Variants in ADAMTSL1 observed in about 807,000 individuals in gnomAD.
The protein encoded by ADAMTSL1 is ADAMTS-like protein 1.
In ADAMTSL1, 126 loss-of-function variants were observed where a neutral mutation model predicts 201.8. The observed-to-expected ratio is 0.62, with a 90% CI of 0.54 to 0.72. ADAMTSL1 has a LOEUF of 0.72. Among genes scored for constraint, ADAMTSL1 ranks in the 30% least tolerant of loss-of-function variants. The pLI, the probability that ADAMTSL1 is intolerant of heterozygous loss-of-function variation, is 0.00. For missense variants in ADAMTSL1, 2,679 were observed against 2,277.8 expected (o/e 1.18, Z -3.59); for synonymous variants, 1,121 against 903.4 (o/e 1.24, Z -4.32).
At chr9:18,328,961 G>A (rs1359401193) in intron 2 of ADAMTSL1, among the ~76,000 whole-genome samples, 1 of 152,042 alleles carries the variant, frequency 6.6e-6, no homozygotes, top group Non-Finnish European at 1.5e-5. Context: ...TCCAATCAAA[G>A]CTTTTTCAAA....
At chr9:18,199,818 G>T (rs531637800) in intron 2 of ADAMTSL1, among the ~76,000 whole-genome samples, 2 of 152,242 alleles carry the variant, frequency 1.3e-5, no homozygotes, top group African/African-American at 4.8e-5. Context: ...TGTGTGCTAA[G>T]TAAGGATCAA....
At chr9:18,757,356 C>T (rs1392304968) in intron 16 of ADAMTSL1, among the ~76,000 whole-genome samples, 1 of 152,126 alleles carries the variant, frequency 6.6e-6, no homozygotes, top group Non-Finnish European at 1.5e-5. Context: ...ACTTATTGCA[C>T]ACCTCATAAG....
intron 3 of ADAMTSL1, among the ~76,000 whole-genome samples, chr9:18,570,076 G>C (rs892639004): frequency 6.6e-6 from 1 of 151,984 alleles, no homozygotes; most frequent in Non-Finnish European, 1.5e-5. Context: ...ACTTTTAAAA[G>C]AGTCAGGCAC....
At chr9:18,544,868 A>C (rs1820380497) in intron 3 of ADAMTSL1, among the ~76,000 whole-genome samples, 1 of 152,330 alleles carries the variant, frequency 6.6e-6, no homozygotes, top group Non-Finnish European at 1.5e-5. Context: ...TATGAAGAAA[A>C]GAAAAATCAT....
At chr9:18,176,049 C>T (rs1229259039) in intron 2 of ADAMTSL1, among the ~76,000 whole-genome samples, 4 of 141,494 alleles carry the variant, frequency 2.8e-5, no homozygotes, top group South Asian at 2.3e-4. Context: ...ACAAAGGTTT[C>T]GTTTGGCTAG....
chr9:18,865,168 C>G (rs943903690), intron 23 of ADAMTSL1, among the ~76,000 whole-genome samples: 4 of 152,038 alleles, frequency 2.6e-5, no homozygotes, highest in Non-Finnish European at 4.4e-5. Flanking sequence ...TTAGGTATAT[C>G]TCCTAATGCT....
intron 1 of ADAMTSL1, among the ~76,000 whole-genome samples, chr9:18,154,508 C>A (rs1415894459): frequency 6.6e-6 from 1 of 152,074 alleles, no homozygotes; most frequent in Admixed American, 6.6e-5. Flanking sequence ...CACCCAGCCT[C>A]TCCACTTGGC....
intron 21 of ADAMTSL1, among the ~76,000 whole-genome samples, chr9:18,824,609 A>C (rs1824417198): frequency 6.6e-6 from 1 of 151,772 alleles, no homozygotes; most frequent in Non-Finnish European, 1.5e-5. Context: ...GCCCCAGCTC[A>C]GGGAAAACAC....
intron 1 of ADAMTSL1, among the ~76,000 whole-genome samples, chr9:18,064,003 G>T (rs879256408): frequency 1.3e-5 from 2 of 151,954 alleles, no homozygotes; most frequent in Non-Finnish European, 2.9e-5. Context: ...CCTCATTCAT[G>T]GCACCATGCA....
Position 18,777,410 on chromosome 9 carries a change from G to A in ADAMTSL1, c.3181G>A (p.Glu1061Lys), listed in dbSNP as rs776706263. Reference protein sequence around the residue: ...NTTSEEDPGAEQVLLHLPFTM... With the variant: ...NTTSEEDPGAKQVLLHLPFTM... ...GACCTCGGAGGAGGACCCGGGTGCA[G>A]AGCAAGTGCTCCTGCACCTGCCCTT... Residue 1061 changes from glutamate to lysine, a missense_variant, in exon 19 of 29, where the codon GAG becomes AAG. Glu to Lys is a moderately conservative substitution (Grantham distance 56). Transcript: ENST00000380548. The A allele has an allele frequency of 2.7e-5, 44 of 1,602,266 alleles. No individual in the cohort carries two copies. The highest frequency in any genetic ancestry group is 3.7e-5 in the Non-Finnish European group (44 of 1,175,044).
At chr9:17,985,858 T>A (rs961366736) in intron 1 of ADAMTSL1, among the ~76,000 whole-genome samples, 1 of 152,146 alleles carries the variant, frequency 6.6e-6, no homozygotes, top group African/African-American at 2.4e-5. Context: ...AACCTCCTCA[T>A]TTCATGCAAG....
chr9:18,384,274 G>T (rs1218567322), intron 2 of ADAMTSL1, among the ~76,000 whole-genome samples: 1 of 152,072 alleles, frequency 6.6e-6, no homozygotes, highest in East Asian at 1.9e-4. Flanking sequence ...AGTGAAGGGG[G>T]AAGTGCCACA....
chr9:18,908,601 C>T lies in ADAMTSL1; in HGVS notation c.*53C>T, dbSNP rs1563911805. On this transcript the variant is annotated 3_prime_UTR_variant, in exon 29 of 29. Coordinates refer to ENST00000380548, the MANE Select transcript of ADAMTSL1 (RefSeq NM_001040272.6). ...CTGGCCACACGAAGGACTCACGCAA[C>T]CACCTCGGACAGAACCTAAGCTTTC... 5 of 1,366,234 alleles carry T rather than the reference C, an allele frequency of 3.7e-6. No homozygotes were observed. Among genetic ancestry groups the T allele is most frequent in the Non-Finnish European group, 4.1e-6 (4 of 987,572 alleles). The allele number at this position is 1,366,234 out of a possible 1,614,324, so 84.6% of individuals were successfully genotyped here.
chr9:18,418,958 C>G (rs901967052), intron 2 of ADAMTSL1, among the ~76,000 whole-genome samples: 6 of 152,150 alleles, frequency 3.9e-5, no homozygotes, highest in Non-Finnish European at 8.8e-5. Flanking sequence ...CTTCAGTTGT[C>G]AAGACAGGGT....
intron 2 of ADAMTSL1, among the ~76,000 whole-genome samples, chr9:18,288,296 G>A (rs1378122158): frequency 6.6e-6 from 1 of 152,134 alleles, no homozygotes; most frequent in African/African-American, 2.4e-5. Context: ...TATCAAGAAA[G>A]AACCAAGTTG....
Position 18,563,026 on chromosome 9 carries a change from C to G in ADAMTSL1, c.238-11004C>G, listed in dbSNP as rs536791738. On this transcript the variant is annotated intron_variant, in intron 3 of 28. Coordinates refer to ENST00000380548, the MANE Select transcript of ADAMTSL1 (RefSeq NM_001040272.6). ...CTGAAGCCTACTTCTGTCAATACAT[C>G]AAACTCATTCCCCATCCAGTTTTCT... Among the ~76,000 whole-genome samples the G allele has an allele frequency of 5.3e-5, 8 of 152,304 alleles. No individual in the cohort carries two copies. The East Asian group carries it at 1.2e-3, about 22-fold the overall frequency.
Position 18,908,736 on chromosome 9 carries a change from C to G in ADAMTSL1, c.*188C>G, listed in dbSNP as rs1257262229. On this transcript the variant is annotated 3_prime_UTR_variant, in exon 29 of 29. Coordinates refer to ENST00000380548, the MANE Select transcript of ADAMTSL1 (RefSeq NM_001040272.6). ...TCCGCGTGTTTTCTCTTTCAGTTAG[C>G]TGGAGGACAGGATGTTGGGAAAGGA... The G allele has an allele frequency of 1.8e-6, 1 of 551,296 alleles. No individual in the cohort carries two copies. Among genetic ancestry groups the G allele is most frequent in the Non-Finnish European group, 3.2e-6 (1 of 308,434 alleles). The allele number at this position is 551,296 out of a possible 1,614,324, so 34.2% of individuals were successfully genotyped here. A position where few individuals can be genotyped will look rare whatever the true frequency, so the allele number is the denominator to read the frequency against.
chr9:18,696,884 T>TATTATTATTATTATTATC, intron 13 of ADAMTSL1, among the ~76,000 whole-genome samples: 1 of 149,030 alleles, frequency 6.7e-6, no homozygotes, highest in Admixed American at 6.7e-5. Flanking sequence ...TTATTATTAT[T>TATTATTATTATTATTATC]ATTATTATTA....
intron 5 of ADAMTSL1, among the ~76,000 whole-genome samples, chr9:18,627,271 G>A (rs1029741872): frequency 6.6e-5 from 10 of 152,026 alleles, no homozygotes; most frequent in East Asian, 1.9e-4. Flanking sequence ...TGTGAGCCAC[G>A]GCACCTGGCC....
Sources: gnomAD v4.1 joint callset for allele counts (sites outside exome capture counted in the v4.1 genomes callset) on GRCh38, gnomAD v4.1.1 for gene constraint, MANE v1.5 for transcripts, NCBI Gene and HGNC (gene_info 2026-07-23, HGNC 2026-07-21) for gene names.